Variants in TRPC1 observed in about 807,000 individuals in gnomAD.
TRPC1 encodes transient receptor potential cation channel subfamily C member 1.
TRPC1 carries 42 observed loss-of-function variants against 88.2 expected under a neutral mutation model. The observed-to-expected ratio is 0.48, with a 90% CI of 0.37 to 0.62. TRPC1 has a LOEUF of 0.62. TRPC1 is among the 20% of genes least tolerant of loss of function. The probability of loss-of-function intolerance (pLI) is 0.00; values close to 1 mark genes in which losing one functional copy is unlikely to be tolerated. For missense variants in TRPC1, 699 were observed against 957.3 expected (o/e 0.73, Z 3.56); for synonymous variants, 288 against 331.8 (o/e 0.87, Z 1.43).
chr3:142,788,552 A>G (rs538113923), intron 7 of TRPC1, among the ~76,000 whole-genome samples: 232 of 152,170 alleles, frequency 1.5e-3, no homozygotes, highest in African/African-American at 5.3e-3. Context: ...CCTTTTAGGG[A>G]TGTCAAGCAG....
At position 142,802,179 on chromosome 3, in the gene TRPC1, G is replaced by A; in HGVS notation, c.1592G>A (p.Gly531Glu). ...SILGPLQISMGQMLQDFGKFL... is the reference protein window; with the variant it reads ...SILGPLQISMEQMLQDFGKFL... ...TAATATATTCCACAGATTTCAATGG[G>A]ACAGATGTTACAAGATTTTGGAAAA... Residue 531 changes from glycine (G) to glutamate (E), a missense_variant, in exon 10 of 13, where the codon GGA becomes GAA. This residue lies in a region of TRPC1 where 426 missense variants were observed against 641.3 expected (regional missense o/e 0.66). Transcript: ENST00000476941. The A allele has an allele frequency of 1.3e-6, 2 of 1,577,030 alleles. No individual in the cohort carries two copies. The highest frequency in any genetic ancestry group is 1.2e-5 in the South Asian group (1 of 82,488).
At chr3:142,801,751 A>T (rs1936625384) in intron 9 of TRPC1, among the ~76,000 whole-genome samples, 1 of 152,186 alleles carries the variant, frequency 6.6e-6, no homozygotes, top group African/African-American at 2.4e-5. Context: ...ATCAGGTGAA[A>T]TACTTTGCCT....
At chr3:142,772,569 G>T (rs531153989) in intron 4 of TRPC1, among the ~76,000 whole-genome samples, 1 of 152,260 alleles carries the variant, frequency 6.6e-6, no homozygotes, top group African/African-American at 2.4e-5. Context: ...GCTAAGGCGG[G>T]TGAATCACCT....
chr3:142,739,934 G>T (rs1245103452), intron 2 of TRPC1, among the ~76,000 whole-genome samples: 1 of 152,186 alleles, frequency 6.6e-6, no homozygotes, highest in Non-Finnish European at 1.5e-5. Flanking sequence ...CACAGCAGGA[G>T]GTAAGCAGCA....
At chr3:142,778,300 T>C (rs1245839553) in intron 5 of TRPC1, among the ~76,000 whole-genome samples, 1 of 151,944 alleles carries the variant, frequency 6.6e-6, no homozygotes, top group Non-Finnish European at 1.5e-5. Context: ...AAAATACAAC[T>C]AATTAAGAGG....
At chr3:142,760,299 A>T (rs1204708943) in intron 4 of TRPC1, among the ~76,000 whole-genome samples, 5 of 152,190 alleles carry the variant, frequency 3.3e-5, no homozygotes, top group Non-Finnish European at 2.9e-5. Context: ...TCTTCCACAT[A>T]GTTAATCCAG....
chr3:142,797,268 AT>A (rs1376207031), intron 9 of TRPC1, among the ~76,000 whole-genome samples: 1 of 150,204 alleles, frequency 6.7e-6, no homozygotes, highest in Non-Finnish European at 1.5e-5. Context: ...TTCCTACTTC[AT>A]TTAGGATAGG....
chr3:142,763,381 T>C (rs1449593884), intron 4 of TRPC1, among the ~76,000 whole-genome samples: 1 of 152,082 alleles, frequency 6.6e-6, no homozygotes, highest in Non-Finnish European at 1.5e-5. Context: ...GTTGGGTTCA[T>C]AGATATTCAT....
chr3:142,787,596 T>G (rs1029303192), intron 7 of TRPC1, among the ~76,000 whole-genome samples: 5 of 152,216 alleles, frequency 3.3e-5, no homozygotes, highest in African/African-American at 1.2e-4. Context: ...TAGAAATGTA[T>G]TTTTTAAATG....
intron 1 of TRPC1, among the ~76,000 whole-genome samples, chr3:142,727,177 A>G (rs1002551808): frequency 4.6e-5 from 7 of 152,188 alleles, no homozygotes; most frequent in African/African-American, 1.7e-4. Context: ...ATTTCTGTGT[A>G]TTACATTTGT....
At chr3:142,762,558 A>G (rs1935224520) in intron 4 of TRPC1, among the ~76,000 whole-genome samples, 1 of 149,618 alleles carries the variant, frequency 6.7e-6, no homozygotes, top group South Asian at 2.1e-4. Context: ...CCTCCCGAGT[A>G]GCTGGGACTA....
intron 12 of TRPC1, 123 bp downstream of exon 12, chr3:142,804,753 C>G: frequency 1.3e-6 from 1 of 773,884 alleles, no homozygotes; most frequent in East Asian, 2.8e-5. Context: ...TTTTTCACTG[C>G]TATATACCCT....
intron 1 of TRPC1, among the ~76,000 whole-genome samples, chr3:142,732,758 C>T (rs1232963133): frequency 6.6e-6 from 1 of 152,142 alleles, no homozygotes; most frequent in Non-Finnish European, 1.5e-5. Flanking sequence ...GTTGCACTTC[C>T]TTCTATGTGT....
At chr3:142,805,129 TACACACACACACACAC>T (rs71153991) in intron 12 of TRPC1, among the ~76,000 whole-genome samples, 13 of 95,320 alleles carry the variant, frequency 1.4e-4, no homozygotes, top group Admixed American at 3.6e-4. Flanking sequence ...AATATATATA[TACACACACACACACAC>T]ACACACACAC....
At chr3:142,771,427 G>C (rs1331469973) in intron 4 of TRPC1, among the ~76,000 whole-genome samples, 1 of 152,092 alleles carries the variant, frequency 6.6e-6, no homozygotes, top group Non-Finnish European at 1.5e-5. Flanking sequence ...CCCCCCGCCA[G>C]CCTTCCAAAG....
chr3:142,744,810 T>A (rs188553304), intron 3 of TRPC1, among the ~76,000 whole-genome samples: 41 of 152,348 alleles, frequency 2.7e-4, no homozygotes, highest in South Asian at 1.0e-3. Flanking sequence ...AAATAAATGC[T>A]AATTTTATTG....
At position 142,724,313 on chromosome 3, in the gene TRPC1, G is replaced by T; in HGVS notation, c.-247G>T. ...GACCGGCTCGGCCGGGGCGCCGGCG[G>T]CTGGGGAGGGGTCGCTGGCCCCGGG... On this transcript the variant is annotated 5_prime_UTR_variant, in exon 1 of 13. Transcript: ENST00000476941. This position sits in a 1 kb window ranked among gnomAD's most constrained non-coding sequence, Gnocchi z 5.6. The T allele has an allele frequency of 3.7e-6, 1 of 270,838 alleles. No homozygotes were observed. Among genetic ancestry groups the T allele is most frequent in the East Asian group, 6.4e-5 (1 of 15,728 alleles). 16.8% of individuals were successfully genotyped at this position (270,838 alleles called of 1,614,324 possible).
Position 142,804,528 on chromosome 3 carries a change from C to T in TRPC1, c.2052C>T (p.Ile684=), listed in dbSNP as rs1323647947. Residue 684 remains isoleucine, a synonymous_variant, in exon 12 of 13, where the codon ATC becomes ATT. Coordinates refer to ENST00000476941, the MANE Select transcript of TRPC1 (RefSeq NM_001251845.2). ...GTACGTTACCTCCACCTTTCAACAT[C>T]ATTCCCTCACCAAAGACTATCTGCT... The part of the protein sequence containing the change: ...DKCTLPPPFN[I]IPSPKTICYM... The T allele has an allele frequency of 6.2e-7, 1 of 1,613,806 alleles. No homozygotes were observed. The highest frequency in any genetic ancestry group is 1.1e-5 in the South Asian group (1 of 91,068).
chr3:142,796,266 A>G (rs976304740), intron 9 of TRPC1, among the ~76,000 whole-genome samples: 3 of 152,118 alleles, frequency 2.0e-5, no homozygotes, highest in African/African-American at 7.2e-5. Flanking sequence ...CCCAGGTTGT[A>G]TAATACTACA....
Sources: allele counts gnomAD v4.1 joint callset (sites outside exome capture counted in the v4.1 genomes callset), GRCh38; gene constraint gnomAD v4.1.1; regional missense constraint gnomAD v4.1.1; non-coding constraint Gnocchi (gnomAD v3.1); transcripts MANE v1.5; gene names NCBI Gene and HGNC (gene_info 2026-07-23, HGNC 2026-07-21).